HOOK3: variants seen among roughly 807,000 people sequenced by gnomAD.
HOOK3 encodes the protein protein Hook homolog 3.
HOOK3 carries 24 observed loss-of-function variants against 116.3 expected under a neutral mutation model. The ratio of observed to expected loss-of-function variants is 0.21; its 90% CI spans 0.15 to 0.29. HOOK3 has a LOEUF of 0.29. Among genes scored for constraint, HOOK3 ranks in the 10% least tolerant of loss-of-function variants. HOOK3 has a pLI of 1.00. For synonymous variants in HOOK3, 275 were observed against 283.0 expected (o/e 0.97, Z 0.28); for missense variants, 632 against 830.2 (o/e 0.76, Z 2.93).
intron 13 of HOOK3, among the ~76,000 whole-genome samples, chr8:42,979,197 A>T (rs1055733644): frequency 1.3e-5 from 2 of 152,170 alleles, no homozygotes; most frequent in African/African-American, 4.8e-5. Context: ...ACTTGAGCCC[A>T]GGAGTTTGAG....
rs575544446 is a variant in HOOK3 at position 43,028,959 on chromosome 8, G to A, written c.*10461G>A. On this transcript the variant is annotated 3_prime_UTR_variant, in exon 22 of 22. Coordinates refer to ENST00000307602, the MANE Select transcript of HOOK3 (RefSeq NM_032410.4). ...GTTCAAGTACAGATGAGTAAGTGGT[G>A]TGACTTCAGTTTATTATCTTCTTGG... The A allele has an allele frequency of 1.0e-3, 206 of 200,700 alleles. No individual in the cohort carries two copies. The highest frequency in any genetic ancestry group is 1.7e-3 in the Non-Finnish European group (163 of 97,262). The allele number at this position is 200,700 out of a possible 1,614,324, so 12.4% of individuals were successfully genotyped here.
chr8:43,012,539 ATAT>A (rs1483286686), intron 19 of HOOK3, among the ~76,000 whole-genome samples: 2 of 152,222 alleles, frequency 1.3e-5, no homozygotes, highest in African/African-American at 4.8e-5. Flanking sequence ...GTTTGTACAA[ATAT>A]TATGTACCCA....
At chr8:42,984,084 T>G (rs1159982671) in intron 14 of HOOK3, among the ~76,000 whole-genome samples, 1 of 152,086 alleles carries the variant, frequency 6.6e-6, no homozygotes, top group Non-Finnish European at 1.5e-5. Context: ...GAAGGACAAA[T>G]GGGCTGGGCA....
intron 2 of HOOK3, among the ~76,000 whole-genome samples, chr8:42,915,963 T>C (rs1382320246): frequency 6.6e-6 from 1 of 152,226 alleles, no homozygotes; most frequent in African/African-American, 2.4e-5. Flanking sequence ...TCCTAAGTGA[T>C]GTGGGCCACT....
At chr8:42,908,247 G>C (rs1283657414) in intron 2 of HOOK3, among the ~76,000 whole-genome samples, 1 of 152,176 alleles carries the variant, frequency 6.6e-6, no homozygotes, top group African/African-American at 2.4e-5. Flanking sequence ...TACTGAAAGT[G>C]ATTTGCAGAT....
At chr8:42,956,388 T>A (rs976539059) in intron 6 of HOOK3, among the ~76,000 whole-genome samples, 3 of 152,148 alleles carry the variant, frequency 2.0e-5, no homozygotes, top group Non-Finnish European at 4.4e-5. Flanking sequence ...TAGCCACATT[T>A]TAATTTTAAT....
intron 13 of HOOK3, among the ~76,000 whole-genome samples, chr8:42,979,265 C>T (rs1056059209): frequency 2.6e-5 from 4 of 152,160 alleles, no homozygotes; most frequent in African/African-American, 9.7e-5. Context: ...GAGCGATACC[C>T]TGTCTCTAAA....
At chr8:43,000,365 A>G in intron 16 of HOOK3, 1 of 797,590 alleles carries the variant, frequency 1.3e-6, no homozygotes, top group East Asian at 6.3e-5. Context: ...AAATTTTATT[A>G]AGGTAGTTTT....
intron 17 of HOOK3, among the ~76,000 whole-genome samples, chr8:43,003,630 G>A (rs1344445307): frequency 6.6e-6 from 1 of 152,172 alleles, no homozygotes; most frequent in Non-Finnish European, 1.5e-5. Context: ...ACACTAGGTG[G>A]TTTATGGCAG....
intron 2 of HOOK3, among the ~76,000 whole-genome samples, chr8:42,917,985 T>C (rs554147368): frequency 2.0e-5 from 3 of 152,240 alleles, no homozygotes; most frequent in Non-Finnish European, 4.4e-5. Context: ...TAAGAATCAA[T>C]GTATCTGTAA....
In HOOK3 at chr8:43,027,852, C is replaced by T. The variant is rs1207999040; in HGVS notation, c.*9354C>T. 5 of 202,476 alleles carry T rather than the reference C, an allele frequency of 2.5e-5. No homozygotes were observed. Among genetic ancestry groups the T allele is most frequent in the African/African-American group, 4.6e-5 (2 of 43,624 alleles). 12.5% of individuals were successfully genotyped at this position (202,476 alleles called of 1,614,324 possible). On this transcript the variant is annotated 3_prime_UTR_variant, in exon 22 of 22. Coordinates refer to ENST00000307602, the MANE Select transcript of HOOK3 (RefSeq NM_032410.4). ...ATGTGGATAGTAGTTACCTATCAGA[C>T]AGTACAGGTATAGAACATTTCCAGT...
At chr8:42,965,562 G>A (rs927247937) in intron 9 of HOOK3, among the ~76,000 whole-genome samples, 10 of 152,090 alleles carry the variant, frequency 6.6e-5, no homozygotes, top group African/African-American at 2.4e-4. Context: ...AAAGACAAGA[G>A]TATGATGAAA....
chr8:42,926,549 G>C (rs1412407611), intron 3 of HOOK3, among the ~76,000 whole-genome samples: 1 of 152,076 alleles, frequency 6.6e-6, no homozygotes, highest in African/African-American at 2.4e-5. Context: ...GCCTCTCAAA[G>C]TGCTGGAATT....
chr8:42,993,331 G>T (rs1341484367), intron 15 of HOOK3, among the ~76,000 whole-genome samples: 1 of 152,182 alleles, frequency 6.6e-6, no homozygotes, highest in Non-Finnish European at 1.5e-5. Flanking sequence ...TAGCTTAGTA[G>T]AGCCAGGTTT....
intron 2 of HOOK3, among the ~76,000 whole-genome samples, chr8:42,919,114 GCTGCCGGGTGGAGACGCTC>G (rs1163422569): frequency 2.1e-4 from 32 of 151,922 alleles, no homozygotes; most frequent in Non-Finnish European, 3.7e-4. Context: ...AGACAGGGCG[GCTGCCGGGTGGAGACGCTC>G]CTCACTTCCC....
intron 5 of HOOK3, among the ~76,000 whole-genome samples, chr8:42,943,903 A>G (rs1253924234): frequency 5.3e-5 from 8 of 152,192 alleles, no homozygotes; most frequent in Non-Finnish European, 1.0e-4. Context: ...CTGTGGGGAA[A>G]AAGAGAGGGA....
rs1362326161 is a variant in HOOK3 at position 43,019,179 on chromosome 8, C to CTGCTA, written c.*683_*687dup. On this transcript the variant is annotated 3_prime_UTR_variant, in exon 22 of 22. Coordinates refer to ENST00000307602, the MANE Select transcript of HOOK3 (RefSeq NM_032410.4). Reference sequence around the variant, plus strand: ...TAAATACATAAAATTTCATTATTTCCTGCTATCTTGTTTGCTGGCAGAAGT... The same window carrying CTGCTA: ...TAAATACATAAAATTTCATTATTTCCTGCTATGCTATCTTGTTTGCTGGCAGAAGT... 23 of 210,080 alleles carry CTGCTA rather than the reference C, an allele frequency of 1.1e-4. No homozygotes were observed. Among genetic ancestry groups the CTGCTA allele is most frequent in the Non-Finnish European group, 1.7e-4 (18 of 103,556 alleles). The allele number at this position is 210,080 out of a possible 1,614,324, so 13.0% of individuals were successfully genotyped here.
intron 19 of HOOK3, among the ~76,000 whole-genome samples, chr8:43,012,219 A>G (rs1430682610): frequency 2.0e-5 from 3 of 152,254 alleles, no homozygotes; most frequent in Non-Finnish European, 4.4e-5. Context: ...TTGTGCAAAC[A>G]TTGTAGAGTG....
chr8:43,009,422 A>G (rs1809560571), intron 18 of HOOK3, among the ~76,000 whole-genome samples: 1 of 151,964 alleles, frequency 6.6e-6, no homozygotes, highest in African/African-American at 2.4e-5. Flanking sequence ...AATAGGCTCT[A>G]TTTACATATA....
Sources: gnomAD v4.1 joint callset for allele counts (sites outside exome capture counted in the v4.1 genomes callset) on GRCh38, gnomAD v4.1.1 for gene constraint, MANE v1.5 for transcripts, NCBI Gene and HGNC (gene_info 2026-07-23, HGNC 2026-07-21) for gene names.